The following ERO1B variants were observed in gnomAD, a reference collection of about 807,000 sequenced individuals.
The protein encoded by ERO1B is ERO1-like protein beta.
In ERO1B, 49 loss-of-function variants were observed where a neutral mutation model predicts 75.3. That is an observed-to-expected ratio of 0.65 (90% CI 0.52 to 0.83). The LOEUF (loss-of-function observed/expected upper bound fraction) is 0.83, where lower values mean the gene tolerates loss of function less well. Ranked by LOEUF, ERO1B falls within the 40% of genes least tolerant of loss-of-function variation. The pLI, the probability that ERO1B is intolerant of heterozygous loss-of-function variation, is 0.00. For synonymous variants in ERO1B, 191 were observed against 192.9 expected (o/e 0.99, Z 0.08); for missense variants, 512 against 560.1 (o/e 0.91, Z 0.87).
chr1:236,257,750 C>G (rs936460783), intron 2 of ERO1B, among the ~76,000 whole-genome samples: 2 of 151,228 alleles, frequency 1.3e-5, no homozygotes, highest in Non-Finnish European at 2.9e-5. Context: ...AAACAGAAAT[C>G]ATTGACCTGA....
intron 2 of ERO1B, among the ~76,000 whole-genome samples, chr1:236,269,412 C>A (rs1389627188): frequency 6.6e-6 from 1 of 152,154 alleles, no homozygotes; most frequent in Non-Finnish European, 1.5e-5. Context: ...AGAACCAATT[C>A]TGGAGCATCA....
At chr1:236,236,179 G>T in intron 7 of ERO1B, 99 bp downstream of exon 7, 1 of 1,453,434 alleles carries the variant, frequency 6.9e-7, no homozygotes, top group Non-Finnish European at 9.4e-7. Flanking sequence ...CACCCACCTT[G>T]GCCTCCCAAA....
At chr1:236,232,672 A>T (rs527296425) in intron 9 of ERO1B, among the ~76,000 whole-genome samples, 156 bp downstream of exon 9, 5 of 105,374 alleles carry the variant, frequency 4.7e-5, no homozygotes, top group African/African-American at 1.9e-4. Flanking sequence ...GATATATATA[A>T]AATAATCTTT....
intron 6 of ERO1B, among the ~76,000 whole-genome samples, chr1:236,237,116 C>T (rs1572040093): frequency 1.1e-4 from 12 of 105,448 alleles, no homozygotes; most frequent in African/African-American, 1.7e-4. Context: ...ACTATTTGGA[C>T]TTTTTTTTTT....
At chr1:236,242,382 T>G (rs1037616849) in intron 6 of ERO1B, among the ~76,000 whole-genome samples, 1 of 152,066 alleles carries the variant, frequency 6.6e-6, no homozygotes, top group Non-Finnish European at 1.5e-5. Flanking sequence ...TGATAAAAGT[T>G]TTACCAATTC....
chr1:236,215,814 C>T lies in ERO1B; in HGVS notation c.*2702G>A, dbSNP rs1392429077. On this transcript the variant is annotated 3_prime_UTR_variant, in exon 16 of 16. Transcript: ENST00000354619. ...TGAGAGGTTTACTGTGAACTGTTCC[C>T]AAATTTTCAGCTGAAGGCAATGCTG... 1 of 152,078 alleles carries T rather than the reference C, an allele frequency of 6.6e-6. No homozygotes were observed. Among genetic ancestry groups the T allele is most frequent in the Admixed American group, 6.6e-5 (1 of 15,254 alleles). The allele number at this position is 152,078 out of a possible 1,614,324, so 9.4% of individuals were successfully genotyped here. A position where few individuals can be genotyped will look rare whatever the true frequency, so the allele number is the denominator to read the frequency against.
chr1:236,281,400 TC>T (rs1347150342), intron 1 of ERO1B: 2 of 296,338 alleles, frequency 6.7e-6, no homozygotes, highest in African/African-American at 4.3e-5. Flanking sequence ...GCTTAACACA[TC>T]CGAGAGGAAA....
rs193124533 is a variant in ERO1B at position 236,237,267 on chromosome 1, G to A, written c.506-869C>T. The stretch of plus-strand genomic sequence containing the variant: ...CCCAAGTAGCTGGTACTACAGGTGC[G>A]CACCACCATGTCTGGCTTTTTGTAT... On this transcript the variant is annotated intron_variant, in intron 6 of 15. Transcript: ENST00000354619. 4.8e-3 allele frequency among the ~76,000 whole-genome samples: 729 copies of A among 151,654 alleles called. 4 individuals are homozygous for A. The highest frequency in any genetic ancestry group is 0.017 in the African/African-American group (688 of 41,340).
At chr1:236,259,275 T>TA (rs563606539) in intron 2 of ERO1B, among the ~76,000 whole-genome samples, 56 of 151,984 alleles carry the variant, frequency 3.7e-4, no homozygotes, top group Admixed American at 2.8e-3. Context: ...CATACCACTA[T>TA]AAAAAAATCA....
At chr1:236,247,746 A>C (rs1330613833) in intron 5 of ERO1B, among the ~76,000 whole-genome samples, 2 of 152,208 alleles carry the variant, frequency 1.3e-5, no homozygotes, top group East Asian at 3.9e-4. Context: ...GTCTTCTGCT[A>C]CTTTGCCCTT....
rs536552901 is a variant in ERO1B, at chr1:236,264,845, A to C, written c.222+5030T>G. On this transcript the variant is annotated intron_variant, in intron 2 of 15. Coordinates refer to ENST00000354619, the MANE Select transcript of ERO1B (RefSeq NM_019891.4). ...GGGCAACAAAGGTGAGACTGTCTCCAAAAAAAAAGAAGGGTGGGAGGGGAG... is the reference window on the plus strand; with the variant it reads ...GGGCAACAAAGGTGAGACTGTCTCCCAAAAAAAAGAAGGGTGGGAGGGGAG... 4.0e-5 allele frequency among the ~76,000 whole-genome samples: 6 copies of C among 150,984 alleles called. No individual in the cohort carries two copies. The East Asian group carries it at 1.2e-3, about 29-fold the overall frequency.
At chr1:236,267,986 G>A (rs1209689423) in intron 2 of ERO1B, 1 of 151,840 alleles carries the variant, frequency 6.6e-6, no homozygotes, top group Non-Finnish European at 1.5e-5. Context: ...AATGAAAGAA[G>A]CACATGTCTT....
intron 12 of ERO1B, 53 bp from the exon 13 acceptor site, chr1:236,225,192 T>C: frequency 6.5e-7 from 1 of 1,530,410 alleles, no homozygotes; most frequent in Non-Finnish European, 9.0e-7. Flanking sequence ...CCACGTACTC[T>C]GTATCAGAAA....
In ERO1B at chr1:236,215,892, T is replaced by G. The variant is rs890788215; in HGVS notation, c.*2624A>C. The G allele has an allele frequency of 6.6e-6, 1 of 150,742 alleles. No individual in the cohort carries two copies. Among genetic ancestry groups the G allele is most frequent in the African/African-American group, 2.4e-5 (1 of 41,256 alleles). 9.3% of individuals were successfully genotyped at this position (150,742 alleles called of 1,614,324 possible). On this transcript the variant is annotated 3_prime_UTR_variant, in exon 16 of 16. Transcript: ENST00000354619. Reference sequence around the variant, plus strand: ...TATATACAGTGGCACATAGGCAAAGTTGAAAAACATGGCAGAGTTTCATAT... The same window carrying G: ...TATATACAGTGGCACATAGGCAAAGGTGAAAAACATGGCAGAGTTTCATAT...
At chr1:236,230,818 C>G (rs12032778) in intron 9 of ERO1B, among the ~76,000 whole-genome samples, 10,360 of 151,772 alleles carry the variant, frequency 0.068, 742 homozygotes, top group East Asian at 0.39. Flanking sequence ...TATGAGCTGG[C>G]CACAGTGGCT....
chr1:236,239,861 A>ATATATATATGTGTATATATG (rs1553371283), intron 6 of ERO1B, among the ~76,000 whole-genome samples: 124 of 27,144 alleles, frequency 4.6e-3, no homozygotes, highest in Admixed American at 0.011. Context: ...GTATATATGT[A>ATATATATATGTGTATATATG]TATATATATG....
At chr1:236,276,081 G>A (rs1168417235) in intron 1 of ERO1B, among the ~76,000 whole-genome samples, 3 of 152,212 alleles carry the variant, frequency 2.0e-5, no homozygotes, top group Non-Finnish European at 2.9e-5. Context: ...AGGCAAGAAT[G>A]TATCTGCCAT....
chr1:236,250,602 T>TAC (rs1413322372), intron 4 of ERO1B, among the ~76,000 whole-genome samples: 2 of 62,314 alleles, frequency 3.2e-5, no homozygotes, highest in Non-Finnish European at 6.4e-5. Flanking sequence ...TATATATATA[T>TAC]ATATATATAT....
At chr1:236,259,330 G>A (rs563610380) in intron 2 of ERO1B, among the ~76,000 whole-genome samples, 1 of 151,960 alleles carries the variant, frequency 6.6e-6, no homozygotes, top group African/African-American at 2.4e-5. Context: ...GAGAACAAAC[G>A]AATTACAGAT....
Sources: allele counts gnomAD v4.1 joint callset (sites outside exome capture counted in the v4.1 genomes callset), GRCh38; gene constraint gnomAD v4.1.1; transcripts MANE v1.5; gene names NCBI Gene and HGNC (gene_info 2026-07-23, HGNC 2026-07-21).